The following DPP6 variants were observed in gnomAD, a reference collection of about 807,000 sequenced individuals.
DPP6 encodes A-type potassium channel modulatory protein DPP6.
Under a neutral mutation model 122.6 loss-of-function variants are expected in DPP6, and 69 were observed. The ratio of observed to expected loss-of-function variants is 0.56; its 90% confidence interval spans 0.46 to 0.69. The LOEUF (loss-of-function observed/expected upper bound fraction) is 0.69. Among genes scored for constraint, DPP6 ranks in the 30% least tolerant of loss-of-function variants. The probability of loss-of-function intolerance (pLI) is 0.00; values close to 1 mark genes in which losing one functional copy is unlikely to be tolerated. For synonymous variants in DPP6, 418 were observed against 433.1 expected (o/e 0.97, Z 0.43); for missense variants, 928 against 1,116.9 (o/e 0.83, Z 2.41).
At chr7:154,392,534 C>A (rs1020070293) in intron 1 of DPP6, among the ~76,000 whole-genome samples, 2 of 152,108 alleles carry the variant, frequency 1.3e-5, no homozygotes, top group Non-Finnish European at 2.9e-5. Context: ...GGCTTTGAGT[C>A]TGTGAGATCT....
At chr7:154,838,013 A>G (rs897111282) in intron 16 of DPP6, among the ~76,000 whole-genome samples, 1 of 152,200 alleles carries the variant, frequency 6.6e-6, no homozygotes, top group African/African-American at 2.4e-5. Flanking sequence ...TAGTTTAAAA[A>G]CTGAGTAGGC....
chr7:154,153,988 G>A (rs1796557240), intron 1 of DPP6, among the ~76,000 whole-genome samples: 1 of 152,178 alleles, frequency 6.6e-6, no homozygotes, highest in African/African-American at 2.4e-5. Context: ...ATTAGCAGCT[G>A]ATGATTTGTT....
At chr7:153,776,014 TTAATG>T in the DPP6 span, among the ~76,000 whole-genome samples, 12 of 152,312 alleles carry the variant, frequency 7.9e-5, no homozygotes, top group Middle Eastern at 3.4e-3. Context: ...ATATGTTTCT[TTAATG>T]TAATCTGAAT....
chr7:154,477,053 T>C (rs1822805818), intron 3 of DPP6, among the ~76,000 whole-genome samples: 1 of 151,914 alleles, frequency 6.6e-6, no homozygotes, highest in Non-Finnish European at 1.5e-5. Context: ...CACTCCAACC[T>C]GGGTGACAGA....
chr7:153,788,808 A>G, the DPP6 span, among the ~76,000 whole-genome samples: 75,946 of 151,844 alleles, frequency 0.5, 19,794 homozygotes, highest in African/African-American at 0.64. Flanking sequence ...TACTAAAAAT[A>G]CAAAACATTA....
At chr7:154,867,885 C>T in intron 17 of DPP6, 110 bp from the exon 18 acceptor site, 1 of 1,379,144 alleles carries the variant, frequency 7.3e-7, no homozygotes. Flanking sequence ...ATAATAATCA[C>T]CTCTGAGGCT....
chr7:154,596,460 G>T (rs529868967), intron 5 of DPP6, among the ~76,000 whole-genome samples: 1 of 152,202 alleles, frequency 6.6e-6, no homozygotes, highest in East Asian at 1.9e-4. Context: ...GCACAATTTT[G>T]AGAAAACGTG....
rs570330504 is a variant in DPP6 at position 154,766,627 on chromosome 7, T to C, written c.884-2790T>C. Among the ~76,000 whole-genome samples, 15 of 152,350 alleles carry C rather than the reference T, an allele frequency of 9.8e-5. 1 individual carries two copies. The highest frequency in any genetic ancestry group is 3.4e-4 in the African/African-American group (14 of 41,578). ...CTTCTAACCGTTACATTTGGTAACCTGTAGTGATGGTTTTGTTCTACCTCC... is the reference window on the plus strand; with the variant it reads ...CTTCTAACCGTTACATTTGGTAACCCGTAGTGATGGTTTTGTTCTACCTCC... On this transcript the variant is annotated intron_variant, in intron 8 of 25. Coordinates refer to ENST00000377770, the MANE Select transcript of DPP6 (RefSeq NM_130797.4).
intron 1 of DPP6, among the ~76,000 whole-genome samples, chr7:153,972,108 A>T (rs2531088): frequency 1.3e-5 from 2 of 148,584 alleles, no homozygotes; most frequent in South Asian, 4.3e-4. Context: ...ATGCTGAGAA[A>T]CAGAAATCTG....
At chr7:154,364,618 G>C (rs1812003464) in intron 1 of DPP6, among the ~76,000 whole-genome samples, 1 of 152,202 alleles carries the variant, frequency 6.6e-6, no homozygotes, top group Non-Finnish European at 1.5e-5. Context: ...CTTAGTCGCA[G>C]TACCTTAGTC....
chr7:154,132,878 A>G (rs1220137379), intron 1 of DPP6, among the ~76,000 whole-genome samples: 2 of 151,844 alleles, frequency 1.3e-5, no homozygotes, highest in East Asian at 3.9e-4. Flanking sequence ...TTCTCTTTCC[A>G]AGAATGCCTT....
intron 4 of DPP6, among the ~76,000 whole-genome samples, chr7:154,540,853 T>C (rs534099880): frequency 1.1e-4 from 17 of 152,280 alleles, no homozygotes; most frequent in African/African-American, 4.1e-4. Context: ...CTGCAGGTGT[T>C]GGGAACAAGT....
intron 1 of DPP6, among the ~76,000 whole-genome samples, chr7:154,398,872 T>C (rs113798482): frequency 0.017 from 2,629 of 152,308 alleles, 79 homozygotes; most frequent in African/African-American, 0.059. Context: ...GTCATTTCCA[T>C]GGGACACACT....
At chr7:153,843,290 A>G in the DPP6 span, among the ~76,000 whole-genome samples, 3 of 152,086 alleles carry the variant, frequency 2.0e-5, no homozygotes, top group Non-Finnish European at 4.4e-5. Context: ...GCACACACAC[A>G]CACACACACT....
At chr7:154,249,991 C>T (rs193271363) in intron 1 of DPP6, among the ~76,000 whole-genome samples, 3 of 152,276 alleles carry the variant, frequency 2.0e-5, no homozygotes, top group Non-Finnish European at 4.4e-5. Context: ...CAACCCCTGA[C>T]CTAATCGGTT....
At chr7:154,391,823 A>G (rs576325609) in intron 1 of DPP6, among the ~76,000 whole-genome samples, 1 of 152,280 alleles carries the variant, frequency 6.6e-6, no homozygotes, top group South Asian at 2.1e-4. Context: ...ATTCCCCTCT[A>G]GCACAAGGTT....
At chr7:154,520,962 C>A (rs1161798932) in intron 3 of DPP6, among the ~76,000 whole-genome samples, 1 of 152,196 alleles carries the variant, frequency 6.6e-6, no homozygotes, top group African/African-American at 2.4e-5. Context: ...AGCCAGTGAT[C>A]TTCTGGCGGC....
chr7:154,617,455 C>G (rs530908645), intron 5 of DPP6, among the ~76,000 whole-genome samples: 1 of 152,176 alleles, frequency 6.6e-6, no homozygotes, highest in African/African-American at 2.4e-5. Context: ...TCCGATTGTG[C>G]GAATAGGTCA....
chr7:154,730,062 C>T (rs185327426), intron 8 of DPP6, among the ~76,000 whole-genome samples: 215 of 152,232 alleles, frequency 1.4e-3, no homozygotes, highest in African/African-American at 4.7e-3. Context: ...GGCTTGCCTG[C>T]CCCCTGGACT....
Sources: gnomAD v4.1 joint callset for allele counts (sites outside exome capture counted in the v4.1 genomes callset) on GRCh38, gnomAD v4.1.1 for gene constraint, MANE v1.5 for transcripts, NCBI Gene and HGNC (gene_info 2026-07-23, HGNC 2026-07-21) for gene names.